CFAP91: variants seen among roughly 807,000 people sequenced by gnomAD.
CFAP91 encodes the protein cilia and flagella associated protein 91.
A neutral mutation model predicts 95.9 loss-of-function variants in CFAP91; 85 were observed. The ratio of observed to expected loss-of-function variants is 0.89; its 90% CI spans 0.74 to 1.06. The LOEUF (loss-of-function observed/expected upper bound fraction) is 1.06, where lower values mean the gene tolerates loss of function less well. Ranked by LOEUF, CFAP91 falls within the 50% of genes least tolerant of loss-of-function variation. The pLI, the probability that CFAP91 is intolerant of heterozygous loss-of-function variation, is 0.00. For synonymous variants in CFAP91, 335 were observed against 327.5 expected (o/e 1.02, Z -0.25); for missense variants, 962 against 943.4 (o/e 1.02, Z -0.26).
intron 6 of CFAP91, among the ~76,000 whole-genome samples, chr3:119,716,364 A>T (rs1406103444): frequency 6.6e-6 from 1 of 152,268 alleles, no homozygotes; most frequent in East Asian, 1.9e-4. Context: ...TAGTTGTATT[A>T]ATAGCTGGGA....
chr3:119,731,233 AAAATAAAT>A (rs1008218351), intron 8 of CFAP91, among the ~76,000 whole-genome samples: 1 of 152,166 alleles, frequency 6.6e-6, no homozygotes, highest in African/African-American at 2.4e-5. Context: ...ACCTTGTCTC[AAAATAAAT>A]AAATAAATAG....
At position 119,744,002 on chromosome 3, in the gene CFAP91, G is replaced by A. The variant is rs753425361; in HGVS notation, c.1708G>A (p.Gly570Arg). ...GTCACTGGTTGAAAACCATTTGGCCGGACTGGAAGGAAGGGCACTAGCAGA... is the reference window on the plus strand; with the variant it reads ...GTCACTGGTTGAAAACCATTTGGCCAGACTGGAAGGAAGGGCACTAGCAGA... Reference protein sequence around the residue: ...KVSLVENHLAGLEGRALADMF... With the variant: ...KVSLVENHLARLEGRALADMF... Residue 570 changes from glycine to arginine, a missense_variant, in exon 14 of 18, where the codon GGA (glycine) becomes AGA (arginine). Gly to Arg is a moderately radical substitution (Grantham distance 125). Coordinates refer to ENST00000273390, the MANE Select transcript of CFAP91 (RefSeq NM_033364.4). 36 of 1,611,652 alleles carry A rather than the reference G, an allele frequency of 2.2e-5. 1 individual carries two copies. The highest frequency in any genetic ancestry group is 5.5e-5 in the South Asian group (5 of 90,874).
rs745579940 is a variant in CFAP91, at chr3:119,733,365, A to G, written c.1203A>G (p.Gly401=). ...VKNYYLNTYE[G]LVELESCLPD... ...AAAACATGTGCTTCCTTCCCATAGGATTAGTGGAACTTGAGTCATGTCTCC... is the reference window on the plus strand; with the variant it reads ...AAAACATGTGCTTCCTTCCCATAGGGTTAGTGGAACTTGAGTCATGTCTCC... Residue 401 remains glycine (G), a splice_region_variant and synonymous_variant, in exon 10 of 18, where the codon GGA becomes GGG. Transcript: ENST00000273390. 4 of 1,613,954 alleles carry G rather than the reference A, an allele frequency of 2.5e-6. No individual in the cohort carries two copies. Among genetic ancestry groups the G allele is most frequent in the African/African-American group, 1.3e-5 (1 of 75,042 alleles).
chr3:119,745,358 T>C (rs1212567024), intron 14 of CFAP91, among the ~76,000 whole-genome samples: 1 of 152,178 alleles, frequency 6.6e-6, no homozygotes, highest in Non-Finnish European at 1.5e-5. Flanking sequence ...GAAACACAGA[T>C]ATAAAGTCAT....
At position 119,755,856 on chromosome 3, in the gene CFAP91, T is replaced by G. The variant is rs2054417223; in HGVS notation, c.*1+4758T>G. Reference sequence around the variant, plus strand: ...GCAAAAGTGAGAAACTCAGTGAATCTCTCCTGAGAGATATTTAGAAAGAAG... The same window carrying G: ...GCAAAAGTGAGAAACTCAGTGAATCGCTCCTGAGAGATATTTAGAAAGAAG... On this transcript the variant is annotated intron_variant, in intron 17 of 17. Coordinates refer to ENST00000273390, the MANE Select transcript of CFAP91 (RefSeq NM_033364.4). Among the ~76,000 whole-genome samples, 3 of 152,070 alleles carry G rather than the reference T, an allele frequency of 2.0e-5. No homozygotes were observed. The South Asian group carries it at 6.2e-4, about 32-fold the overall frequency.
intron 4 of CFAP91, among the ~76,000 whole-genome samples, 189 bp from the exon 5 acceptor site, chr3:119,709,650 G>A (rs1270975216): frequency 6.6e-6 from 1 of 152,176 alleles, no homozygotes; most frequent in Non-Finnish European, 1.5e-5. Context: ...CCAGACCTGG[G>A]AATCTGCATT....
chr3:119,740,845 G>GTA, intron 13 of CFAP91, 150 bp downstream of exon 13: 1 of 665,838 alleles, frequency 1.5e-6, no homozygotes, highest in Non-Finnish European at 2.5e-6. Flanking sequence ...TTGTGTGTGT[G>GTA]TGTGTGTGTG....
At chr3:119,703,828 A>T (rs944727856) in intron 1 of CFAP91, among the ~76,000 whole-genome samples, 1 of 151,964 alleles carries the variant, frequency 6.6e-6, no homozygotes, top group African/African-American at 2.4e-5. Context: ...TGTTCTACAC[A>T]TTTTTGTAGC....
chr3:119,739,188 A>G (rs942741506), intron 11 of CFAP91, 67 bp from the exon 12 acceptor site: 1 of 1,373,866 alleles, frequency 7.3e-7, no homozygotes, highest in African/African-American at 1.4e-5. Context: ...ATAAGTCTTC[A>G]AAAGAATATT....
chr3:119,759,882 A>G (rs139517008), intron 17 of CFAP91, among the ~76,000 whole-genome samples: 1 of 152,082 alleles, frequency 6.6e-6, no homozygotes, highest in African/African-American at 2.4e-5. Flanking sequence ...TATTAAATAC[A>G]CAAAAGGTGA....
At chr3:119,725,691 A>G (rs1248570242) in intron 6 of CFAP91, among the ~76,000 whole-genome samples, 3 of 152,096 alleles carry the variant, frequency 2.0e-5, no homozygotes, top group Non-Finnish European at 4.4e-5. Context: ...TGGGAGGTCA[A>G]GGCCACAGTG....
At position 119,766,204 on chromosome 3, in the gene CFAP91, A is replaced by C. The variant is rs968217854; in HGVS notation, c.*1154A>C. 2.0e-5 allele frequency: 3 copies of C among 152,086 alleles called. No homozygotes were observed. Among genetic ancestry groups the C allele is most frequent in the Non-Finnish European group, 4.4e-5 (3 of 68,052 alleles). 9.4% of individuals were successfully genotyped at this position (152,086 alleles called of 1,614,324 possible). A position where few individuals can be genotyped will look rare whatever the true frequency, so the allele number is the denominator to read the frequency against. On this transcript the variant is annotated 3_prime_UTR_variant, in exon 18 of 18. Coordinates refer to ENST00000273390, the MANE Select transcript of CFAP91 (RefSeq NM_033364.4). ...TGGGAAGGAATGGGCAAAGAGATTA[A>C]AATGACAGAAGTTAGCTGTAGATGA...
At chr3:119,715,477 T>A (rs1454604641) in intron 5 of CFAP91, 85 bp from the exon 6 acceptor site, 5 of 1,150,346 alleles carry the variant, frequency 4.3e-6, no homozygotes, top group Non-Finnish European at 6.5e-6. Flanking sequence ...TTGACAAAGC[T>A]TCGAAGATTT....
At chr3:119,758,935 A>T (rs893972584) in intron 17 of CFAP91, among the ~76,000 whole-genome samples, 1 of 152,116 alleles carries the variant, frequency 6.6e-6, no homozygotes, top group Non-Finnish European at 1.5e-5. Flanking sequence ...TTTCATTAAG[A>T]TAACTATATT....
chr3:119,717,553 T>G lies in CFAP91; in HGVS notation c.682+1810T>G, dbSNP rs867492614. Among the ~76,000 whole-genome samples the G allele has an allele frequency of 5.4e-3, 783 of 145,236 alleles. 8 individuals are homozygous for G. The highest frequency in any genetic ancestry group is 0.016 in the African/African-American group (645 of 39,646). ...ATCTGTTAAGTAAAATACGTTGGTT[T>G]TTTTTTTTTTTTTTTTCACAAACAT... On this transcript the variant is annotated intron_variant, in intron 6 of 17. Coordinates refer to ENST00000273390, the MANE Select transcript of CFAP91 (RefSeq NM_033364.4).
rs2054636905 is a variant in CFAP91, at chr3:119,766,705, T to C, written c.*1655T>C. On this transcript the variant is annotated 3_prime_UTR_variant, in exon 18 of 18. Transcript: ENST00000273390. ...CATACTCAACTCTGCCGTTGTAGGG[T>C]AAGAGCAGCACTCGATGACACAGAA... 1 of 152,144 alleles carries C rather than the reference T, an allele frequency of 6.6e-6. No individual in the cohort carries two copies. The highest frequency in any genetic ancestry group is 1.5e-5 in the Non-Finnish European group (1 of 68,032). The allele number at this position is 152,144 out of a possible 1,614,324, so 9.4% of individuals were successfully genotyped here.
chr3:119,712,079 C>G (rs1164332290), intron 5 of CFAP91, among the ~76,000 whole-genome samples: 2 of 152,176 alleles, frequency 1.3e-5, no homozygotes, highest in African/African-American at 4.8e-5. Flanking sequence ...GGGCAGGAGC[C>G]AGGACACAGC....
Position 119,715,762 on chromosome 3 carries a change from T to A in CFAP91, c.682+19T>A, listed in dbSNP as rs769667880. ...ACTTGGGGTGAGTTGGTAAATCTCC[T>A]GACTATTGGCAGATGACGATGCTGA... On this transcript the variant is annotated intron_variant, in intron 6 of 17. Transcript: ENST00000273390. 3 of 1,609,202 alleles carry A rather than the reference T, an allele frequency of 1.9e-6. No individual in the cohort carries two copies. The highest frequency in any genetic ancestry group is 2.2e-5 in the South Asian group (2 of 90,962).
chr3:119,724,727 A>C (rs1373442077), intron 6 of CFAP91, among the ~76,000 whole-genome samples: 1 of 151,684 alleles, frequency 6.6e-6, no homozygotes, highest in Non-Finnish European at 1.5e-5. Flanking sequence ...TAATACCCTA[A>C]TTTTATTTTA....
Sources: allele counts gnomAD v4.1 joint callset (sites outside exome capture counted in the v4.1 genomes callset), GRCh38; gene constraint gnomAD v4.1.1; transcripts MANE v1.5; gene names NCBI Gene and HGNC (gene_info 2026-07-23, HGNC 2026-07-21).